MARCHF6: variants seen among roughly 807,000 people sequenced by gnomAD.
MARCHF6 encodes the protein E3 ubiquitin-protein ligase MARCHF6.
In MARCHF6, 31 loss-of-function variants were observed where a neutral mutation model predicts 133.7. The ratio of observed to expected loss-of-function variants is 0.23; its 90% CI spans 0.17 to 0.31. The LOEUF is 0.31. MARCHF6 is among the 10% of genes least tolerant of loss of function. The probability of loss-of-function intolerance (pLI) is 1.00; values close to 1 mark genes in which losing one functional copy is unlikely to be tolerated. For synonymous variants in MARCHF6, 395 were observed against 402.5 expected (o/e 0.98, Z 0.22); for missense variants, 723 against 1,121.6 (o/e 0.64, Z 5.08).
intron 15 of MARCHF6, 53 bp from the exon 16 acceptor site, chr5:10,405,505 A>G (rs1738831602): frequency 6.8e-6 from 10 of 1,471,490 alleles, no homozygotes; most frequent in Non-Finnish European, 9.2e-6. Context: ...TAGCTCATAT[A>G]TAGAATTTGA....
chr5:10,371,892 G>A (rs558466181), intron 1 of MARCHF6, among the ~76,000 whole-genome samples: 19 of 152,180 alleles, frequency 1.2e-4, no homozygotes, highest in Non-Finnish European at 2.6e-4. Context: ...CAGCTATTCA[G>A]GAGTCTGAGA....
chr5:10,409,432 G>A (rs1739096934), intron 17 of MARCHF6, among the ~76,000 whole-genome samples: 1 of 152,224 alleles, frequency 6.6e-6, no homozygotes, highest in Non-Finnish European at 1.5e-5. Flanking sequence ...AGTAGGTGCA[G>A]TGGCACCCAG....
intron 8 of MARCHF6, among the ~76,000 whole-genome samples, chr5:10,394,395 A>G (rs1441748692): frequency 1.3e-5 from 2 of 152,180 alleles, no homozygotes; most frequent in Non-Finnish European, 2.9e-5. Flanking sequence ...ACTTTTGAAA[A>G]ACAAAATAAC....
At chr5:10,356,542 C>T (rs1415434314) in intron 1 of MARCHF6, among the ~76,000 whole-genome samples, 1 of 151,668 alleles carries the variant, frequency 6.6e-6, no homozygotes, top group East Asian at 1.9e-4. Context: ...ATTACAGGAG[C>T]GCGCCACCTC....
intron 1 of MARCHF6, among the ~76,000 whole-genome samples, chr5:10,373,802 C>T (rs1251011800): frequency 6.6e-6 from 1 of 152,202 alleles, no homozygotes; most frequent in Non-Finnish European, 1.5e-5. Context: ...CCCACCCTCC[C>T]TGGTAGATCC....
chr5:10,391,822 A>G (rs945380855), intron 7 of MARCHF6, 91 bp downstream of exon 7: 12 of 1,276,608 alleles, frequency 9.4e-6, no homozygotes, highest in Non-Finnish European at 1.2e-5. Flanking sequence ...TCAAATTTTT[A>G]ATGTTGTGAA....
At chr5:10,393,513 T>A (rs1737998677) in intron 7 of MARCHF6, among the ~76,000 whole-genome samples, 1 of 152,210 alleles carries the variant, frequency 6.6e-6, no homozygotes, top group Non-Finnish European at 1.5e-5. Flanking sequence ...GCTCTGAGAA[T>A]ACAGCCTGCT....
At chr5:10,373,848 C>A (rs1736608447) in intron 1 of MARCHF6, among the ~76,000 whole-genome samples, 1 of 152,118 alleles carries the variant, frequency 6.6e-6, no homozygotes, top group East Asian at 1.9e-4. Flanking sequence ...AAAAGTTAAT[C>A]CACAGTATTG....
intron 20 of MARCHF6, among the ~76,000 whole-genome samples, chr5:10,414,899 C>G (rs984628273): frequency 6.6e-5 from 10 of 152,200 alleles, no homozygotes; most frequent in African/African-American, 2.4e-4. Context: ...AGACTGCTCT[C>G]AAATCCATTT....
chr5:10,418,100 T>C (rs1286318457), intron 22 of MARCHF6, among the ~76,000 whole-genome samples: 1 of 152,156 alleles, frequency 6.6e-6, no homozygotes, highest in Non-Finnish European at 1.5e-5. Flanking sequence ...GTATCCTGGC[T>C]GGGTGCAGCG....
At chr5:10,376,764 C>T (rs1736807118) in intron 1 of MARCHF6, among the ~76,000 whole-genome samples, 2 of 152,180 alleles carry the variant, frequency 1.3e-5, no homozygotes, top group Non-Finnish European at 1.5e-5. Flanking sequence ...TGTAACCACG[C>T]ACCACACTGC....
intron 1 of MARCHF6, among the ~76,000 whole-genome samples, chr5:10,357,362 T>TTTTTTC (rs1183809600): frequency 6.6e-6 from 1 of 151,696 alleles, no homozygotes; most frequent in Non-Finnish European, 1.5e-5. Flanking sequence ...GGTTTTTTTT[T>TTTTTTC]TTTTCTTTTC....
intron 17 of MARCHF6, among the ~76,000 whole-genome samples, chr5:10,407,760 C>T (rs1022426683): frequency 6.6e-5 from 10 of 152,064 alleles, no homozygotes; most frequent in Non-Finnish European, 1.3e-4. Context: ...TTGAGACCAG[C>T]GTGACCAACA....
chr5:10,399,344 A>G (rs958629200), intron 10 of MARCHF6, among the ~76,000 whole-genome samples: 2 of 151,964 alleles, frequency 1.3e-5, no homozygotes, highest in African/African-American at 4.8e-5. Context: ...ATATATTGGA[A>G]ATACATGTTC....
intron 1 of MARCHF6, among the ~76,000 whole-genome samples, chr5:10,374,389 C>CT (rs1736645805): frequency 6.6e-6 from 1 of 152,148 alleles, no homozygotes; most frequent in South Asian, 2.1e-4. Flanking sequence ...TGCCTCTTGT[C>CT]TTTTTGGTAC....
intron 1 of MARCHF6, among the ~76,000 whole-genome samples, chr5:10,363,107 G>C (rs753645976): frequency 8.5e-5 from 13 of 152,130 alleles, no homozygotes; most frequent in Non-Finnish European, 1.6e-4. Context: ...AAATATAGGA[G>C]AAATTCTTCG....
intron 5 of MARCHF6, among the ~76,000 whole-genome samples, chr5:10,387,644 A>G (rs957409936): frequency 2.6e-5 from 4 of 152,028 alleles, no homozygotes; most frequent in Non-Finnish European, 5.9e-5. Context: ...TTTGAGATAC[A>G]TACTACTGTC....
intron 7 of MARCHF6, 94 bp from the exon 8 acceptor site, chr5:10,393,988 A>T: frequency 1.6e-6 from 1 of 617,002 alleles, no homozygotes; most frequent in Non-Finnish European, 2.6e-6. Context: ...CAGCTTACAA[A>T]GTACTAAATT....
intron 1 of MARCHF6, among the ~76,000 whole-genome samples, chr5:10,364,440 C>T (rs1489116458): frequency 1.3e-5 from 2 of 152,144 alleles, no homozygotes; most frequent in East Asian, 1.9e-4. Context: ...GATAGTGTGG[C>T]AGGAGCTAGA....
Sources: allele counts gnomAD v4.1 joint callset (sites outside exome capture counted in the v4.1 genomes callset), GRCh38; gene constraint gnomAD v4.1.1; transcripts MANE v1.5; gene names NCBI Gene and HGNC (gene_info 2026-07-23, HGNC 2026-07-21).